CNTN4: variants seen among roughly 807,000 people sequenced by gnomAD.
The protein encoded by CNTN4 is contactin 4.
In CNTN4, 77 loss-of-function variants were observed where a neutral mutation model predicts 122.5. That is an observed-to-expected ratio of 0.63 (90% CI 0.52 to 0.76). CNTN4 has a LOEUF of 0.76. Ranked by LOEUF, CNTN4 falls within the 30% of genes least tolerant of loss-of-function variation. The pLI is 0.00. For synonymous variants in CNTN4, 512 were observed against 447.0 expected, an observed-to-expected ratio of 1.15 and a Z score of -1.83; for missense variants, 1,256 against 1,259.1, an observed-to-expected ratio of 1.00 and a Z score of 0.04.
intron 3 of CNTN4, among the ~76,000 whole-genome samples, chr3:2,526,460 C>A (rs2077401919): frequency 6.6e-6 from 1 of 151,838 alleles, no homozygotes; most frequent in Admixed American, 6.6e-5. Flanking sequence ...TCAAAGTTGT[C>A]AAAGTTGAAG....
At chr3:2,556,690 G>T (rs1347503742) in intron 3 of CNTN4, among the ~76,000 whole-genome samples, 1 of 152,000 alleles carries the variant, frequency 6.6e-6, no homozygotes, top group Non-Finnish European at 1.5e-5. Context: ...ATATATGTGT[G>T]TGTATATGTA....
chr3:2,147,068 A>T (rs2035278427), intron 2 of CNTN4, among the ~76,000 whole-genome samples: 1 of 151,862 alleles, frequency 6.6e-6, no homozygotes, highest in Admixed American at 6.6e-5. Flanking sequence ...TTTAGTAGAG[A>T]TGGGGTTTCA....
At chr3:2,965,615 AT>A (rs1179671344) in intron 13 of CNTN4, among the ~76,000 whole-genome samples, 1 of 152,046 alleles carries the variant, frequency 6.6e-6, no homozygotes, top group Non-Finnish European at 1.5e-5. Flanking sequence ...ATCTAAATTG[AT>A]TTTCCTCATT....
At chr3:2,764,597 C>T (rs889391938) in intron 6 of CNTN4, among the ~76,000 whole-genome samples, 3 of 152,140 alleles carry the variant, frequency 2.0e-5, no homozygotes, top group Non-Finnish European at 4.4e-5. Context: ...TATGCTTAAG[C>T]GTGTCACTTT....
intron 4 of CNTN4, among the ~76,000 whole-genome samples, chr3:2,625,578 G>A (rs537015706): frequency 2.2e-4 from 34 of 152,138 alleles, no homozygotes; most frequent in African/African-American, 7.7e-4. Flanking sequence ...TAAACTTTGA[G>A]TGAATAGAGT....
chr3:2,850,610 C>T (rs1230022481), intron 7 of CNTN4, among the ~76,000 whole-genome samples: 2 of 152,032 alleles, frequency 1.3e-5, no homozygotes, highest in African/African-American at 4.8e-5. Flanking sequence ...TTCAAAACTC[C>T]CCCGCAGGTT....
At chr3:2,489,589 T>A (rs2076257112) in intron 3 of CNTN4, among the ~76,000 whole-genome samples, 1 of 152,208 alleles carries the variant, frequency 6.6e-6, no homozygotes, top group African/African-American at 2.4e-5. Context: ...TATGTTCAAT[T>A]TGGGGAGAGT....
intron 2 of CNTN4, among the ~76,000 whole-genome samples, chr3:2,298,400 A>G (rs1368825846): frequency 6.6e-6 from 1 of 152,126 alleles, no homozygotes; most frequent in Non-Finnish European, 1.5e-5. Flanking sequence ...CTTTTGCTCT[A>G]CTTATCAAAT....
intron 6 of CNTN4, among the ~76,000 whole-genome samples, chr3:2,765,270 G>A (rs1030557475): frequency 1.3e-5 from 2 of 152,192 alleles, no homozygotes; most frequent in Non-Finnish European, 2.9e-5. Context: ...TCGTCACTGA[G>A]TTTCTGCACG....
chr3:2,777,217 A>G (rs2091358275), intron 6 of CNTN4, among the ~76,000 whole-genome samples: 2 of 152,212 alleles, frequency 1.3e-5, no homozygotes, highest in African/African-American at 4.8e-5. Flanking sequence ...ATTTAAACAG[A>G]AATTAGTATA....
rs370488996 is a variant in CNTN4 at position 2,822,669 on chromosome 3, C to T, written c.454+3088C>T. 7.9e-5 allele frequency among the ~76,000 whole-genome samples: 12 copies of T among 152,126 alleles called. 1 individual carries two copies. Among genetic ancestry groups the T allele is most frequent in the East Asian group, 1.9e-4 (1 of 5,186 alleles). Reference sequence around the variant, plus strand: ...TATTAAGAAAAACACCACCACTGTCCGATATAATGATCTCTTTAGGAAAGG... The same window carrying T: ...TATTAAGAAAAACACCACCACTGTCTGATATAATGATCTCTTTAGGAAAGG... On this transcript the variant is annotated intron_variant, in intron 7 of 24. Coordinates refer to ENST00000418658, the MANE Select transcript of CNTN4 (RefSeq NM_175607.3).
chr3:2,185,396 A>C (rs1200494442), intron 2 of CNTN4, among the ~76,000 whole-genome samples: 1 of 152,162 alleles, frequency 6.6e-6, no homozygotes, highest in Non-Finnish European at 1.5e-5. Flanking sequence ...AACTGCTATT[A>C]TAGGATTCCC....
At chr3:2,698,894 G>T (rs568445494) in intron 4 of CNTN4, among the ~76,000 whole-genome samples, 13 of 152,198 alleles carry the variant, frequency 8.5e-5, no homozygotes, top group Non-Finnish European at 1.6e-4. Flanking sequence ...GTGGTGGCAG[G>T]CTCCTGTAAT....
intron 2 of CNTN4, among the ~76,000 whole-genome samples, chr3:2,152,827 A>C (rs2729018): frequency 8.6e-5 from 13 of 151,834 alleles, no homozygotes; most frequent in Admixed American, 8.5e-4. Context: ...GTACTCCCAG[A>C]TCGGGCTCAG....
intron 3 of CNTN4, among the ~76,000 whole-genome samples, chr3:2,476,847 T>C (rs1377816017): frequency 6.6e-6 from 1 of 152,236 alleles, no homozygotes; most frequent in Non-Finnish European, 1.5e-5. Context: ...AAGTAGTCAA[T>C]AATTGTTGGT....
rs1300401747 is a variant in CNTN4 at position 2,327,272 on chromosome 3, G to A, written c.-144-11906G>A. 3.3e-5 allele frequency among the ~76,000 whole-genome samples: 5 copies of A among 152,022 alleles called. No homozygotes were observed. In the South Asian group the frequency reaches 6.2e-4, roughly 19 times the overall value. ...TTTGTGCATGGATTTCCAAATTGATGGATTTTGCTTCAAAATTAGTCAAGA... is the reference window on the plus strand; with the variant it reads ...TTTGTGCATGGATTTCCAAATTGATAGATTTTGCTTCAAAATTAGTCAAGA... On this transcript the variant is annotated intron_variant, in intron 2 of 24. Transcript: ENST00000418658.
chr3:2,483,257 C>T (rs1413589184), intron 3 of CNTN4, among the ~76,000 whole-genome samples: 1 of 152,104 alleles, frequency 6.6e-6, no homozygotes, highest in East Asian at 1.9e-4. Context: ...TTGCCTGGGG[C>T]CTGCAGCCGC....
intron 14 of CNTN4, among the ~76,000 whole-genome samples, chr3:2,993,124 A>G (rs984371590): frequency 7.9e-5 from 12 of 152,210 alleles, no homozygotes; most frequent in Admixed American, 5.2e-4. Context: ...GCTGGTTGAG[A>G]AAAAAACCAA....
intron 4 of CNTN4, among the ~76,000 whole-genome samples, chr3:2,645,795 A>G (rs1181206541): frequency 6.6e-6 from 1 of 152,196 alleles, no homozygotes; most frequent in Non-Finnish European, 1.5e-5. Context: ...TCCTTGCCTC[A>G]ATACCCAATA....
Sources: allele counts gnomAD v4.1 joint callset (sites outside exome capture counted in the v4.1 genomes callset), GRCh38; gene constraint gnomAD v4.1.1; transcripts MANE v1.5; gene names NCBI Gene and HGNC (gene_info 2026-07-23, HGNC 2026-07-21).